Variants in LRRTM4 observed in about 807,000 individuals in gnomAD.
LRRTM4 encodes leucine-rich repeat transmembrane neuronal protein 4.
A neutral mutation model predicts 47.6 loss-of-function variants in LRRTM4; 25 were observed. That is an observed-to-expected ratio of 0.53 (90% CI 0.38 to 0.73). LRRTM4 has a LOEUF of 0.73. LRRTM4 is among the 30% of genes least tolerant of loss of function. The pLI is 0.00. For missense variants in LRRTM4, 638 were observed against 713.4 expected, an observed-to-expected ratio of 0.89 and a Z score of 1.20; for synonymous variants, 311 against 269.5, an observed-to-expected ratio of 1.15 and a Z score of -1.51.
intron 3 of LRRTM4, among the ~76,000 whole-genome samples, chr2:77,446,165 T>C (rs1676042712): frequency 6.6e-6 from 1 of 152,124 alleles, no homozygotes; most frequent in South Asian, 2.1e-4. Context: ...GCAATCTGTT[T>C]ATTTTAGTAA....
intron 3 of LRRTM4, among the ~76,000 whole-genome samples, chr2:77,434,669 CT>C (rs1558741922): frequency 6.6e-6 from 1 of 152,118 alleles, no homozygotes. Context: ...GTGTTCAGTA[CT>C]TTGCATGCAT....
chr2:77,075,320 G>T (rs1474127046), intron 3 of LRRTM4, among the ~76,000 whole-genome samples: 1 of 152,124 alleles, frequency 6.6e-6, no homozygotes, highest in East Asian at 1.9e-4. Flanking sequence ...AAATTAATTG[G>T]AAGTCTGTGT....
At chr2:77,179,844 G>A (rs6740304) in intron 3 of LRRTM4, among the ~76,000 whole-genome samples, 4,196 of 151,960 alleles carry the variant, frequency 0.028, 202 homozygotes, top group African/African-American at 0.094. Context: ...TCTTTAAATC[G>A]CAAATTTCTC....
chr2:77,241,632 A>G (rs984911369), intron 3 of LRRTM4, among the ~76,000 whole-genome samples: 6 of 152,152 alleles, frequency 3.9e-5, no homozygotes, highest in African/African-American at 7.2e-5. Context: ...AGCTCTGGAA[A>G]AAAACCTTTT....
intron 3 of LRRTM4, among the ~76,000 whole-genome samples, chr2:77,328,834 C>A (rs1285691531): frequency 6.6e-6 from 1 of 152,132 alleles, no homozygotes; most frequent in Non-Finnish European, 1.5e-5. Context: ...TGCTTCAGTG[C>A]TGATATCTCG....
intron 3 of LRRTM4, among the ~76,000 whole-genome samples, chr2:77,089,646 A>G (rs994911616): frequency 2.7e-5 from 4 of 150,148 alleles, no homozygotes; most frequent in Admixed American, 2.0e-4. Context: ...GGAACCTTCC[A>G]CCCTCCATTC....
chr2:76,965,437 TA>T (rs2103923521), intron 3 of LRRTM4, among the ~76,000 whole-genome samples: 1 of 151,108 alleles, frequency 6.6e-6, no homozygotes, highest in African/African-American at 2.4e-5. Context: ...ATCAACAGGG[TA>T]AAAAAGAATC....
chr2:77,356,084 A>T (rs1053298702), intron 3 of LRRTM4, among the ~76,000 whole-genome samples: 5 of 152,188 alleles, frequency 3.3e-5, no homozygotes, highest in Admixed American at 3.3e-4. Flanking sequence ...ACAAAGCGAG[A>T]CCCTGTCTCA....
chr2:76,847,540 G>C (rs1298416539), intron 3 of LRRTM4, among the ~76,000 whole-genome samples: 1 of 151,776 alleles, frequency 6.6e-6, no homozygotes. Context: ...TGGCCAGCAG[G>C]TCAGTCTAGG....
At chr2:77,211,769 AT>A (rs1219579460) in intron 3 of LRRTM4, among the ~76,000 whole-genome samples, 1 of 152,140 alleles carries the variant, frequency 6.6e-6, no homozygotes, top group African/African-American at 2.4e-5. Flanking sequence ...TTTGCTGAAG[AT>A]TTTAAGCGAA....
chr2:77,350,332 C>CAA (rs61365229), intron 3 of LRRTM4, among the ~76,000 whole-genome samples: 573 of 39,220 alleles, frequency 0.015, 74 homozygotes, highest in East Asian at 0.049. Flanking sequence ...GACTCCGTCT[C>CAA]AAAAAAAAAA....
chr2:76,915,975 T>C (rs1382730055), intron 3 of LRRTM4, among the ~76,000 whole-genome samples: 1 of 152,086 alleles, frequency 6.6e-6, no homozygotes, highest in Non-Finnish European at 1.5e-5. Flanking sequence ...GAGCCATAGA[T>C]TAGTTACTGG....
At chr2:76,781,435 G>C (rs570327207) in intron 3 of LRRTM4, among the ~76,000 whole-genome samples, 5 of 152,258 alleles carry the variant, frequency 3.3e-5, no homozygotes, top group Admixed American at 3.3e-4. Flanking sequence ...TCCGAGCCAG[G>C]TGTGGCATAT....
chr2:77,464,141 C>T (rs1391636130), intron 3 of LRRTM4, among the ~76,000 whole-genome samples: 1 of 151,964 alleles, frequency 6.6e-6, no homozygotes, highest in African/African-American at 2.4e-5. Flanking sequence ...GACCTGGATG[C>T]AGGCTTATGC....
intron 3 of LRRTM4, among the ~76,000 whole-genome samples, chr2:76,932,768 T>C (rs1468748298): frequency 1.3e-5 from 2 of 151,916 alleles, no homozygotes; most frequent in Non-Finnish European, 2.9e-5. Context: ...CACACGTGTG[T>C]ATACACACAA....
At chr2:77,145,608 A>G (rs1204102350) in intron 3 of LRRTM4, among the ~76,000 whole-genome samples, 1 of 149,678 alleles carries the variant, frequency 6.7e-6, no homozygotes, top group Admixed American at 6.7e-5. Context: ...CTCTACTAAA[A>G]ATACAAAAAA....
At chr2:77,367,842 AT>A (rs1215214000) in intron 3 of LRRTM4, among the ~76,000 whole-genome samples, 1 of 151,836 alleles carries the variant, frequency 6.6e-6, no homozygotes, top group Non-Finnish European at 1.5e-5. Context: ...AACAAATTCC[AT>A]TTGTTGATTA....
Position 77,519,723 on chromosome 2 carries a change from G to T in LRRTM4, c.146C>A (p.Ser49Tyr). ...CTCAGGGATATCTGCGAAAGCATGA[G>T]ACTCACAGTACACAATTTTGCCATC... The part of the protein sequence containing the change: ...RCDGKIVYCE[S>Y]HAFADIPENI... Residue 49 changes from serine to tyrosine, a missense_variant, in exon 3 of 4, where the codon TCT becomes TAT. Coordinates refer to ENST00000409884, the MANE Select transcript of LRRTM4 (RefSeq NM_001134745.3). This position sits in a 1 kb window ranked among gnomAD's most constrained non-coding sequence, Gnocchi z 4.6. The T allele has an allele frequency of 6.2e-7, 1 of 1,613,400 alleles. No homozygotes were observed. The highest frequency in any genetic ancestry group is 8.5e-7 in the Non-Finnish European group (1 of 1,179,590).
chr2:77,320,969 G>T (rs929291008), intron 3 of LRRTM4, among the ~76,000 whole-genome samples: 1 of 151,764 alleles, frequency 6.6e-6, no homozygotes, highest in East Asian at 1.9e-4. Flanking sequence ...TGAAAAAATT[G>T]TACTGAGATT....
Sources: allele counts gnomAD v4.1 joint callset (sites outside exome capture counted in the v4.1 genomes callset), GRCh38; gene constraint gnomAD v4.1.1; non-coding constraint Gnocchi (gnomAD v3.1); transcripts MANE v1.5; gene names NCBI Gene and HGNC (gene_info 2026-07-23, HGNC 2026-07-21).